DLG2: variants seen among roughly 807,000 people sequenced by gnomAD.
The protein encoded by DLG2 is discs large MAGUK scaffold protein 2.
In DLG2, 45 loss-of-function variants were observed where a neutral mutation model predicts 132.5. The observed-to-expected ratio is 0.34, with a 90% confidence interval of 0.27 to 0.44. DLG2 has a LOEUF of 0.44. DLG2 is among the 20% of genes least tolerant of loss of function. The pLI, the probability that DLG2 is intolerant of heterozygous loss-of-function variation, is 1.00. For synonymous variants in DLG2, 424 were observed against 419.6 expected, an observed-to-expected ratio of 1.01 and a Z score of -0.13; for missense variants, 1,045 against 1,196.9, an observed-to-expected ratio of 0.87 and a Z score of 1.87.
intron 8 of DLG2, among the ~76,000 whole-genome samples, chr11:84,169,222 C>T (rs948785955): frequency 6.6e-6 from 1 of 152,096 alleles, no homozygotes; most frequent in African/African-American, 2.4e-5. Context: ...GAAATTTTAG[C>T]TAAAATCCCA....
intron 7 of DLG2, chr11:84,273,257 G>A: frequency 6.7e-7 from 1 of 1,482,018 alleles, no homozygotes; most frequent in Non-Finnish European, 9.0e-7. Flanking sequence ...CCGTTGCATA[G>A]CGAAAGCTGG....
At chr11:84,428,911 G>A (rs916026472) in intron 7 of DLG2, among the ~76,000 whole-genome samples, 1 of 152,160 alleles carries the variant, frequency 6.6e-6, no homozygotes, top group Non-Finnish European at 1.5e-5. Context: ...TGTCATTGTT[G>A]GTGGCTGAAG....
intron 7 of DLG2, among the ~76,000 whole-genome samples, chr11:84,392,944 C>T (rs1288090166): frequency 6.6e-6 from 1 of 151,892 alleles, no homozygotes; most frequent in Non-Finnish European, 1.5e-5. Context: ...ATAGAATTGC[C>T]TATTAAATTT....
chr11:85,185,694 G>A (rs966486788), intron 4 of DLG2, among the ~76,000 whole-genome samples: 1 of 151,534 alleles, frequency 6.6e-6, no homozygotes, highest in African/African-American at 2.4e-5. Context: ...CCTCACCTTT[G>A]TCCTCATAAC....
At chr11:84,981,547 AT>A (rs1432653246) in intron 6 of DLG2, among the ~76,000 whole-genome samples, 3 of 152,158 alleles carry the variant, frequency 2.0e-5, no homozygotes, top group Admixed American at 6.6e-5. Context: ...TTCCCAAGTT[AT>A]GTGGGATGAC....
At chr11:84,542,171 G>A (rs1420771493) in intron 6 of DLG2, among the ~76,000 whole-genome samples, 1 of 151,810 alleles carries the variant, frequency 6.6e-6, no homozygotes, top group Non-Finnish European at 1.5e-5. Context: ...GAGGGGGAAG[G>A]AACAAATCAA....
chr11:84,064,100 C>T (rs959252783), intron 10 of DLG2, among the ~76,000 whole-genome samples: 1 of 151,946 alleles, frequency 6.6e-6, no homozygotes, highest in African/African-American at 2.4e-5. Context: ...TACCCTAGAA[C>T]TTAAAGTATA....
chr11:84,301,128 A>T (rs543553175), intron 7 of DLG2, among the ~76,000 whole-genome samples: 1 of 152,340 alleles, frequency 6.6e-6, no homozygotes, highest in Non-Finnish European at 1.5e-5. Flanking sequence ...GTGTAGTCAA[A>T]AGTTCTAGTA....
At chr11:84,612,567 G>A (rs952112637) in intron 6 of DLG2, among the ~76,000 whole-genome samples, 3 of 152,102 alleles carry the variant, frequency 2.0e-5, no homozygotes, top group Non-Finnish European at 4.4e-5. Flanking sequence ...ATAGCCATAT[G>A]AAAATGAAAA....
chr11:84,805,850 G>C (rs116518978), intron 6 of DLG2, among the ~76,000 whole-genome samples: 3,667 of 152,192 alleles, frequency 0.024, 163 homozygotes, highest in African/African-American at 0.085. Context: ...AGCAGTGTGA[G>C]AATGAACTAA....
chr11:83,897,206 T>A (rs1278594994), intron 15 of DLG2, among the ~76,000 whole-genome samples: 1 of 152,168 alleles, frequency 6.6e-6, no homozygotes, highest in Non-Finnish European at 1.5e-5. Context: ...CATCCAACAG[T>A]GTGGATGTGA....
At chr11:83,507,575 T>C (rs971031438) in intron 21 of DLG2, among the ~76,000 whole-genome samples, 6 of 144,632 alleles carry the variant, frequency 4.1e-5, no homozygotes, top group East Asian at 2.0e-4. Flanking sequence ...ATATATCCTA[T>C]AGATATCTAT....
intron 3 of DLG2, among the ~76,000 whole-genome samples, chr11:85,468,343 C>G (rs2092870347): frequency 6.6e-6 from 1 of 151,936 alleles, no homozygotes; most frequent in African/African-American, 2.4e-5. Flanking sequence ...TTATTTCTTG[C>G]CTTCTGCTAG....
chr11:84,216,986 G>A (rs7938895), intron 8 of DLG2, among the ~76,000 whole-genome samples: 12,371 of 152,128 alleles, frequency 0.081, 1,591 homozygotes, highest in African/African-American at 0.28. Flanking sequence ...AAAAATAAAT[G>A]AATGGAAGGA....
chr11:84,921,100 AT>A (rs2092733370), intron 6 of DLG2, among the ~76,000 whole-genome samples: 1 of 152,144 alleles, frequency 6.6e-6, no homozygotes, highest in Non-Finnish European at 1.5e-5. Context: ...TATAAATAAA[AT>A]AAAACAAAAG....
At chr11:84,867,668 G>A (rs1470453489) in intron 6 of DLG2, among the ~76,000 whole-genome samples, 2 of 152,166 alleles carry the variant, frequency 1.3e-5, no homozygotes, top group African/African-American at 4.8e-5. Context: ...AGAAACATAG[G>A]TGTCTCTAGG....
intron 7 of DLG2, among the ~76,000 whole-genome samples, chr11:84,351,441 C>T (rs186725450): frequency 9.2e-5 from 14 of 152,176 alleles, no homozygotes; most frequent in Non-Finnish European, 1.8e-4. Context: ...TACATACTCA[C>T]GTAAACTTTA....
At chr11:85,136,105 T>C (rs1205184248) in intron 5 of DLG2, among the ~76,000 whole-genome samples, 1 of 152,166 alleles carries the variant, frequency 6.6e-6, no homozygotes, top group Admixed American at 6.5e-5. Context: ...AATAAATACA[T>C]CCAATAAAAG....
chr11:83,786,865 C>A (rs1295009950), intron 17 of DLG2, 73 bp from the exon 18 acceptor site: 33 of 1,284,538 alleles, frequency 2.6e-5, no homozygotes, highest in Non-Finnish European at 3.5e-5. Context: ...AAAAGTTTCC[C>A]AAAACCAGGC....
Sources: gnomAD v4.1 joint callset for allele counts (sites outside exome capture counted in the v4.1 genomes callset) on GRCh38, gnomAD v4.1.1 for gene constraint, MANE v1.5 for transcripts, NCBI Gene and HGNC (gene_info 2026-07-23, HGNC 2026-07-21) for gene names.